Variants in RBFOX1 observed in about 807,000 individuals in gnomAD.
RBFOX1 encodes RNA binding fox-1 homolog 1.
A neutral mutation model predicts 57.7 loss-of-function variants in RBFOX1; 8 were observed. The ratio of observed to expected loss-of-function variants is 0.14; its 90% CI spans 0.08 to 0.25. The LOEUF (loss-of-function observed/expected upper bound fraction) is 0.25. Ranked by LOEUF, RBFOX1 falls within the 10% of genes least tolerant of loss-of-function variation. RBFOX1 has a pLI of 1.00. For synonymous variants in RBFOX1, 326 were observed against 222.4 expected (o/e 1.47, Z -4.15); for missense variants, 611 against 548.5 (o/e 1.11, Z -1.14).
chr16:7,650,003 G>GACAGGA (rs1555715882), intron 11 of RBFOX1, among the ~76,000 whole-genome samples: 1 of 149,450 alleles, frequency 6.7e-6, no homozygotes, highest in Non-Finnish European at 1.5e-5. Context: ...AAAGGAAAAG[G>GACAGGA]AGGAGGGAAG....
At chr16:6,925,459 T>TATTG (rs1403278122) in intron 3 of RBFOX1, among the ~76,000 whole-genome samples, 3 of 149,070 alleles carry the variant, frequency 2.0e-5, no homozygotes, top group Non-Finnish European at 4.4e-5. Context: ...ACTCCACATT[T>TATTG]ATTTATTTAT....
chr16:6,080,986 T>A (rs935700556), intron 1 of RBFOX1, among the ~76,000 whole-genome samples: 8 of 152,024 alleles, frequency 5.3e-5, no homozygotes, highest in African/African-American at 1.9e-4. Context: ...TTGAAGACTG[T>A]TTGTCATGGC....
chr16:7,638,065 A>G (rs1274253608), intron 11 of RBFOX1, among the ~76,000 whole-genome samples: 1 of 152,204 alleles, frequency 6.6e-6, no homozygotes, highest in African/African-American at 2.4e-5. Context: ...GCATTAAAAC[A>G]TGATCTATCT....
Position 7,620,927 on chromosome 16 carries a change from TG to T in RBFOX1, c.677-9673del, listed in dbSNP as rs1320302947. Among the ~76,000 whole-genome samples the T allele has an allele frequency of 2.0e-5, 3 of 152,188 alleles. No homozygotes were observed. The East Asian group carries it at 5.8e-4, about 29-fold the overall frequency. On this transcript the variant is annotated intron_variant, in intron 10 of 15. Coordinates refer to ENST00000550418, the MANE Select transcript of RBFOX1 (RefSeq NM_018723.4). ...CACCTGAAACCTAGGGCCACCTTAA[TG>T]GGCACTGTCAATATTAGCTGTACAT...
chr16:5,454,922 T>TC (rs2068561864), intron 1 of RBFOX1, among the ~76,000 whole-genome samples: 2 of 56,890 alleles, frequency 3.5e-5, no homozygotes, highest in African/African-American at 1.3e-4. Flanking sequence ...TTCCTTTGTT[T>TC]CTTTCTTCCT....
chr16:6,352,449 C>A (rs1362134900), intron 2 of RBFOX1, among the ~76,000 whole-genome samples: 6 of 152,120 alleles, frequency 3.9e-5, no homozygotes, highest in Non-Finnish European at 8.8e-5. Flanking sequence ...CATCAATGAT[C>A]AATCATGAAT....
chr16:7,032,484 T>A (rs1019932242), intron 3 of RBFOX1, among the ~76,000 whole-genome samples: 12 of 152,186 alleles, frequency 7.9e-5, no homozygotes, highest in African/African-American at 2.6e-4. Context: ...AAATCCCATC[T>A]TAATTTTTTA....
chr16:6,158,826 A>G (rs1376741686), intron 1 of RBFOX1, among the ~76,000 whole-genome samples: 3 of 152,142 alleles, frequency 2.0e-5, no homozygotes, highest in East Asian at 3.9e-4. Flanking sequence ...TTGAATTCTA[A>G]GAGAGAATAG....
At chr16:6,692,432 TG>T (rs2060333511) in intron 3 of RBFOX1, among the ~76,000 whole-genome samples, 2 of 152,204 alleles carry the variant, frequency 1.3e-5, no homozygotes, top group Non-Finnish European at 1.5e-5. Flanking sequence ...TACTCATCAC[TG>T]GTACATTATT....
intron 3 of RBFOX1, among the ~76,000 whole-genome samples, chr16:6,676,341 G>A (rs567816039): frequency 2.0e-5 from 3 of 152,174 alleles, no homozygotes; most frequent in East Asian, 1.9e-4. Context: ...TCAATTTTGG[G>A]GAGTCATGAG....
intron 3 of RBFOX1, among the ~76,000 whole-genome samples, chr16:6,905,156 T>A (rs2069518434): frequency 6.6e-6 from 1 of 152,000 alleles, no homozygotes; most frequent in Non-Finnish European, 1.5e-5. Context: ...TTGGTCAGGG[T>A]TTTCAAATCC....
chr16:5,289,838 A>G (rs1361525737), intron 1 of RBFOX1, among the ~76,000 whole-genome samples: 2 of 152,236 alleles, frequency 1.3e-5, no homozygotes, highest in African/African-American at 4.8e-5. Flanking sequence ...TCAAAAGCTT[A>G]AACACAGAGT....
chr16:7,198,297 A>T (rs528934513), intron 4 of RBFOX1, among the ~76,000 whole-genome samples: 1 of 152,180 alleles, frequency 6.6e-6, no homozygotes. Context: ...AAGCCACCGC[A>T]CATGGCCAAT....
At chr16:7,066,113 G>C (rs2055961024) in intron 4 of RBFOX1, among the ~76,000 whole-genome samples, 4 of 152,192 alleles carry the variant, frequency 2.6e-5, no homozygotes, top group Non-Finnish European at 5.9e-5. Flanking sequence ...GAATCTTAAA[G>C]CCTATAGTCA....
chr16:5,470,326 C>T (rs1001846421), intron 2 of RBFOX1, among the ~76,000 whole-genome samples: 3 of 152,210 alleles, frequency 2.0e-5, no homozygotes, highest in East Asian at 1.9e-4. Context: ...CTAGAGGGAC[C>T]AAATGTGTCT....
At chr16:5,726,460 C>G (rs2151548308) in intron 3 of RBFOX1, among the ~76,000 whole-genome samples, 1 of 152,298 alleles carries the variant, frequency 6.6e-6, no homozygotes, top group South Asian at 2.1e-4. Flanking sequence ...CAAGCCAGGA[C>G]CTTCACTTTC....
At chr16:6,934,043 C>G (rs972094445) in intron 3 of RBFOX1, among the ~76,000 whole-genome samples, 3 of 152,222 alleles carry the variant, frequency 2.0e-5, no homozygotes, top group Non-Finnish European at 4.4e-5. Context: ...TGGGCTAGAG[C>G]TGCTGTCCGA....
intron 2 of RBFOX1, among the ~76,000 whole-genome samples, chr16:5,573,947 C>G (rs2046370629): frequency 6.6e-6 from 1 of 152,098 alleles, no homozygotes; most frequent in South Asian, 2.1e-4. Flanking sequence ...GAATGAGACC[C>G]TGTCTCAAAA....
intron 3 of RBFOX1, among the ~76,000 whole-genome samples, chr16:6,696,735 A>C (rs2061110546): frequency 6.6e-6 from 1 of 152,162 alleles, no homozygotes; most frequent in Non-Finnish European, 1.5e-5. Flanking sequence ...TTTAACTTAC[A>C]AAACCTTTCG....
Sources: gnomAD v4.1 joint callset for allele counts (sites outside exome capture counted in the v4.1 genomes callset) on GRCh38, gnomAD v4.1.1 for gene constraint, MANE v1.5 for transcripts, NCBI Gene and HGNC (gene_info 2026-07-23, HGNC 2026-07-21) for gene names.